Variants in BOK observed in about 807,000 individuals in gnomAD.
The protein encoded by BOK is bcl-2-related ovarian killer protein.
Under a neutral mutation model 18.3 loss-of-function variants are expected in BOK, and 20 were observed. The observed-to-expected ratio is 1.09, with a 90% CI of 0.77 to 1.59. BOK has a LOEUF of 1.59. Ranked by LOEUF, BOK falls within the 40% of genes most tolerant of loss-of-function variation. BOK has a pLI of 0.00. For synonymous variants in BOK, 173 were observed against 142.4 expected, an observed-to-expected ratio of 1.21 and a Z score of -1.53; for missense variants, 348 against 307.9, an observed-to-expected ratio of 1.13 and a Z score of -0.97.
intron 1 of BOK, among the ~76,000 whole-genome samples, chr2:241,553,512 A>C (rs1424599777): frequency 1.3e-5 from 2 of 152,340 alleles, no homozygotes; most frequent in South Asian, 4.1e-4. Context: ...CAGGCTGTAC[A>C]GGAAGCATGG....
intron 3 of BOK, among the ~76,000 whole-genome samples, chr2:241,564,375 C>G (rs923292721): frequency 1.3e-5 from 2 of 152,234 alleles, no homozygotes; most frequent in African/African-American, 4.8e-5. Flanking sequence ...TGGACTCTGT[C>G]ACTGCTCCTG....
intron 3 of BOK, among the ~76,000 whole-genome samples, chr2:241,566,437 T>G (rs890536504): frequency 9.9e-5 from 15 of 151,592 alleles, no homozygotes; most frequent in Admixed American, 2.0e-4. Flanking sequence ...TAGCTGGGAT[T>G]ACAGGTATGT....
In BOK at chr2:241,570,287, G is replaced by A. The variant is rs2066694245; in HGVS notation, c.512G>A (p.Trp171Ter). The change falls in exon 4 of 5, where the codon TGG becomes TAG. Residue 171 changes from tryptophan to a stop codon, truncating the protein, a stop_gained and splice_region_variant. Coordinates refer to ENST00000318407, the MANE Select transcript of BOK (RefSeq NM_032515.5). LOFTEE classifies it high-confidence loss of function. ...LATWLRRRGG[W>*]TDVLKCVVST... ...ACCTGGCTGCGGAGACGCGGCGGATGGGTGAGCGCCTGAGTGCCCGTGTGG... is the reference window on the plus strand; with the variant it reads ...ACCTGGCTGCGGAGACGCGGCGGATAGGTGAGCGCCTGAGTGCCCGTGTGG... 10 of 1,553,434 alleles carry A rather than the reference G, an allele frequency of 6.4e-6. No homozygotes were observed. Among genetic ancestry groups the A allele is most frequent in the Non-Finnish European group, 8.7e-6 (10 of 1,149,844 alleles).
At position 241,572,639 on chromosome 2, in the gene BOK, G is replaced by A. The variant is rs1266068181; in HGVS notation, c.*217G>A. 6.2e-6 allele frequency: 4 copies of A among 648,354 alleles called. No homozygotes were observed. The highest frequency in any genetic ancestry group is 3.9e-5 in the South Asian group (2 of 50,842). 40.2% of individuals were successfully genotyped at this position (648,354 alleles called of 1,614,324 possible). Reference sequence around the variant, plus strand: ...GGAGCTGGGCTTTGGGGCAGCCTGCGACCCTCCCCGCTTGTGTCCCTTCTC... The same window carrying A: ...GGAGCTGGGCTTTGGGGCAGCCTGCAACCCTCCCCGCTTGTGTCCCTTCTC... On this transcript the variant is annotated 3_prime_UTR_variant, in exon 5 of 5. Transcript: ENST00000318407.
rs757193922 is a variant in BOK at position 241,572,487 on chromosome 2, C to T, written c.*65C>T. On this transcript the variant is annotated 3_prime_UTR_variant, in exon 5 of 5. Transcript: ENST00000318407. Reference sequence around the variant, plus strand: ...CCCAACGCAGGAGGCCCTCAGCACCCGAACACATCTTCCTCCTCCCCACCC... The same window carrying T: ...CCCAACGCAGGAGGCCCTCAGCACCTGAACACATCTTCCTCCTCCCCACCC... The T allele has an allele frequency of 1.4e-5, 21 of 1,545,244 alleles. No homozygotes were observed. The highest frequency in any genetic ancestry group is 2.4e-5 in the South Asian group (2 of 84,672).
chr2:241,565,563 G>A (rs1005672397), intron 3 of BOK, among the ~76,000 whole-genome samples: 2 of 95,358 alleles, frequency 2.1e-5, no homozygotes, highest in Non-Finnish European at 4.2e-5. Flanking sequence ...ATCCCTGCAC[G>A]CTCTGACCCC....
chr2:241,563,626 GCA>G (rs552606731), intron 3 of BOK, among the ~76,000 whole-genome samples: 340 of 152,316 alleles, frequency 2.2e-3, no homozygotes, highest in African/African-American at 7.5e-3. Flanking sequence ...GGGAGGCCTT[GCA>G]CACCCTTGTC....
At position 241,572,543 on chromosome 2, in the gene BOK, C is replaced by T. The variant is rs2066741257; in HGVS notation, c.*121C>T. 1 of 1,420,780 alleles carries T rather than the reference C, an allele frequency of 7.0e-7. No homozygotes were observed. Among genetic ancestry groups the T allele is most frequent in the South Asian group, 1.4e-5 (1 of 72,784 alleles). 88.0% of individuals were successfully genotyped at this position (1,420,780 alleles called of 1,614,324 possible). A position where few individuals can be genotyped will look rare whatever the true frequency, so the allele number is the denominator to read the frequency against. Reference sequence around the variant, plus strand: ...TGGAGCACTCTAACCCTCGGAGACCCCCTAAGCCCCGTTCCTCCGCAGACC... The same window carrying T: ...TGGAGCACTCTAACCCTCGGAGACCTCCTAAGCCCCGTTCCTCCGCAGACC... On this transcript the variant is annotated 3_prime_UTR_variant, in exon 5 of 5. Transcript: ENST00000318407.
chr2:241,572,209 T>G (rs902776744), intron 4 of BOK, 88 bp from the exon 5 acceptor site: 68 of 1,551,400 alleles, frequency 4.4e-5, no homozygotes, highest in Non-Finnish European at 5.6e-5. Context: ...TTGCTGATAT[T>G]CTGGTGCACG....
At chr2:241,553,440 C>G (rs2066428263) in intron 1 of BOK, among the ~76,000 whole-genome samples, 1 of 152,186 alleles carries the variant, frequency 6.6e-6, no homozygotes, top group Non-Finnish European at 1.5e-5. Context: ...GTGTGAGCCA[C>G]CGCATCCAGC....
chr2:241,551,509 T>C (rs759248188), intron 1 of BOK: 4 of 152,110 alleles, frequency 2.6e-5, no homozygotes, highest in Non-Finnish European at 5.9e-5. Flanking sequence ...CATGAAGAAG[T>C]AGACATTCTG....
intron 4 of BOK, among the ~76,000 whole-genome samples, chr2:241,571,570 G>A (rs1197413527): frequency 6.6e-6 from 1 of 152,172 alleles, no homozygotes; most frequent in Non-Finnish European, 1.5e-5. Flanking sequence ...GGCTACAGGT[G>A]TCCCTCAGCA....
intron 1 of BOK, among the ~76,000 whole-genome samples, chr2:241,552,728 C>T (rs147627841): frequency 1.5e-3 from 231 of 152,352 alleles, no homozygotes; most frequent in African/African-American, 5.3e-3. Context: ...TCTTCCTCAA[C>T]GGCAAGCAGC....
intron 3 of BOK, among the ~76,000 whole-genome samples, chr2:241,563,510 G>A (rs1332650461): frequency 6.6e-6 from 1 of 152,230 alleles, no homozygotes; most frequent in Non-Finnish European, 1.5e-5. Flanking sequence ...CAGGTGCTGG[G>A]CACAGCTCTG....
In BOK at chr2:241,572,652, T is replaced by C. The variant is rs974298478; in HGVS notation, c.*230T>C. On this transcript the variant is annotated 3_prime_UTR_variant, in exon 5 of 5. Coordinates refer to ENST00000318407, the MANE Select transcript of BOK (RefSeq NM_032515.5). The stretch of plus-strand genomic sequence containing the variant: ...GGGGCAGCCTGCGACCCTCCCCGCT[T>C]GTGTCCCTTCTCCTGTGATCTCTGT... 3 of 613,724 alleles carry C rather than the reference T, an allele frequency of 4.9e-6. No homozygotes were observed. Among genetic ancestry groups the C allele is most frequent in the Non-Finnish European group, 8.5e-6 (3 of 353,346 alleles). The allele number at this position is 613,724 out of a possible 1,614,324, so 38.0% of individuals were successfully genotyped here. A position where few individuals can be genotyped will look rare whatever the true frequency, so the allele number is the denominator to read the frequency against.
chr2:241,552,644 T>C (rs1362959262), intron 1 of BOK, among the ~76,000 whole-genome samples: 1 of 152,212 alleles, frequency 6.6e-6, no homozygotes, highest in Non-Finnish European at 1.5e-5. Flanking sequence ...CCTGCAAGTA[T>C]GTACTTTCCC....
upstream of BOK, among the ~76,000 whole-genome samples, chr2:241,557,192 C>T (rs575539676): frequency 2.6e-5 from 4 of 151,616 alleles, no homozygotes; most frequent in Non-Finnish European, 4.4e-5. Context: ...CTATTTTTTG[C>T]TTTATTCCAT....
In BOK at chr2:241,573,851, A is replaced by C. The variant is rs962322930; in HGVS notation, c.*1429A>C. 1 of 152,322 alleles carries C rather than the reference A, an allele frequency of 6.6e-6. No individual in the cohort carries two copies. Among genetic ancestry groups the C allele is most frequent in the Non-Finnish European group, 1.5e-5 (1 of 68,098 alleles). 9.4% of individuals were successfully genotyped at this position (152,322 alleles called of 1,614,324 possible). The stretch of plus-strand genomic sequence containing the variant: ...CCTTGACGCCTACATTTCTAGGCAC[A>C]TGTGAGGCATCTTTCCTGGAGCCCC... On this transcript the variant is annotated 3_prime_UTR_variant, in exon 5 of 5. Coordinates refer to ENST00000318407, the MANE Select transcript of BOK (RefSeq NM_032515.5).
upstream of BOK, among the ~76,000 whole-genome samples, chr2:241,554,255 G>A (rs999640120): frequency 7.2e-5 from 11 of 152,212 alleles, no homozygotes; most frequent in Non-Finnish European, 1.0e-4. Flanking sequence ...GGGGAGGCAA[G>A]CAGCCGTCAC....
Sources: allele counts gnomAD v4.1 joint callset (sites outside exome capture counted in the v4.1 genomes callset), GRCh38; gene constraint gnomAD v4.1.1; transcripts MANE v1.5; gene names NCBI Gene and HGNC (gene_info 2026-07-23, HGNC 2026-07-21).